The following ARHGAP40 variants were observed in gnomAD, a reference collection of about 807,000 sequenced individuals.
ARHGAP40 encodes Rho GTPase activating protein 40, also known as rho GTPase-activating protein 40.
Under a neutral mutation model 73.5 loss-of-function variants are expected in ARHGAP40, and 43 were observed. That is an observed-to-expected ratio of 0.58 (90% CI 0.46 to 0.75). The LOEUF is 0.75. Ranked by LOEUF, ARHGAP40 falls within the 30% of genes least tolerant of loss-of-function variation. The probability of loss-of-function intolerance (pLI) is 0.00; values close to 1 mark genes in which losing one functional copy is unlikely to be tolerated. For missense variants in ARHGAP40, 734 were observed against 861.8 expected (o/e 0.85, Z 1.86); for synonymous variants, 300 against 352.8 (o/e 0.85, Z 1.68).
chr20:38,640,107 C>CTTCT (rs2089006198), intron 9 of ARHGAP40, among the ~76,000 whole-genome samples: 5 of 124,476 alleles, frequency 4.0e-5, no homozygotes, highest in Non-Finnish European at 6.9e-5. Flanking sequence ...CTTCTTCCTC[C>CTTCT]TCTTCTTCCT....
intron 8 of ARHGAP40, 100 bp from the exon 9 acceptor site, chr20:38,639,127 C>G (rs1049854281): frequency 2.5e-6 from 3 of 1,198,996 alleles, no homozygotes; most frequent in African/African-American, 1.6e-5. Context: ...TCTTGTTGTC[C>G]CCACTTTGCA....
At chr20:38,611,319 C>T (rs986521171) in intron 1 of ARHGAP40, among the ~76,000 whole-genome samples, 4 of 151,610 alleles carry the variant, frequency 2.6e-5, no homozygotes, top group Admixed American at 6.6e-5. Context: ...GGTTTCCCTG[C>T]GATTCTCTTG....
At chr20:38,639,284 G>A (rs1217705131) in exon 9 of ARHGAP40, 1 of 1,305,360 alleles carries the variant, frequency 7.7e-7, no homozygotes, top group Non-Finnish European at 1.0e-6. Context: ...CTGGGACGAG[G>A]TTCATCACAA....
chr20:38,647,186 G>C, intron 13 of ARHGAP40, 60 bp downstream of exon 13: 1 of 1,249,830 alleles, frequency 8.0e-7, no homozygotes. Flanking sequence ...CTGCACCCCA[G>C]AGCTGAAGGC....
chr20:38,645,293 C>T (rs911697291), intron 11 of ARHGAP40, among the ~76,000 whole-genome samples: 1 of 152,202 alleles, frequency 6.6e-6, no homozygotes, highest in South Asian at 2.1e-4. Flanking sequence ...TTCTTCTCTG[C>T]ACTCAGCCCT....
chr20:38,609,230 A>T (rs2088791036), intron 1 of ARHGAP40, among the ~76,000 whole-genome samples: 1 of 152,056 alleles, frequency 6.6e-6, no homozygotes, highest in Admixed American at 6.6e-5. Context: ...CTCCACCCTC[A>T]GGAGTCATCC....
At chr20:38,648,732 C>A (rs760335351) in intron 14 of ARHGAP40, 34 bp downstream of exon 14, 4 of 1,302,764 alleles carry the variant, frequency 3.1e-6, no homozygotes, top group African/African-American at 1.5e-5. Context: ...GAACAGAGCC[C>A]GGGTCCCTGG....
At chr20:38,642,176 A>G (rs764258149) in intron 10 of ARHGAP40, among the ~76,000 whole-genome samples, 4 of 152,190 alleles carry the variant, frequency 2.6e-5, no homozygotes, top group African/African-American at 7.2e-5. Flanking sequence ...TCCAAGTGGG[A>G]TTAGAGTATG....
chr20:38,612,790 A>G (rs1238338895), intron 1 of ARHGAP40, among the ~76,000 whole-genome samples: 1 of 152,246 alleles, frequency 6.6e-6, no homozygotes, highest in African/African-American at 2.4e-5. Flanking sequence ...TAAATACCAT[A>G]TTTCAAGGGC....
At chr20:38,616,843 G>A (rs1355005459) in intron 1 of ARHGAP40, among the ~76,000 whole-genome samples, 10 of 152,200 alleles carry the variant, frequency 6.6e-5, no homozygotes, top group African/African-American at 2.4e-4. Flanking sequence ...AGAGGGCAGG[G>A]ATGCTGCTAA....
Position 38,623,501 on chromosome 20 carries a change from C to T in ARHGAP40, c.280C>T (p.Gln94Ter), listed in dbSNP as rs1306249680. Residue 94 changes from glutamine to a stop codon, truncating the protein, a stop_gained, in exon 2 of 15, where the codon CAG becomes TAG. Coordinates refer to ENST00000373345, the Ensembl canonical transcript of ARHGAP40. LOFTEE classifies it high-confidence loss of function. ...TTGGATGGAGGTGGAACAGATCCAA[C>T]AGAGAGATGAGCTGAGGGAAGAGGA... 1.5e-5 allele frequency: 20 copies of T among 1,290,700 alleles called. No individual in the cohort carries two copies. The highest frequency in any genetic ancestry group is 2.0e-5 in the Non-Finnish European group (20 of 988,810). 80.0% of individuals were successfully genotyped at this position (1,290,700 alleles called of 1,614,324 possible). A position where few individuals can be genotyped will look rare whatever the true frequency, so the allele number is the denominator to read the frequency against.
chr20:38,634,345 G>A (rs555102474), intron 5 of ARHGAP40, among the ~76,000 whole-genome samples: 5 of 152,248 alleles, frequency 3.3e-5, no homozygotes, highest in African/African-American at 9.6e-5. Flanking sequence ...GAGCAAGACC[G>A]TGTTTCCAAA....
At chr20:38,614,869 T>G in intron 1 of ARHGAP40, 2 of 1,154,192 alleles carry the variant, frequency 1.7e-6, no homozygotes, top group Non-Finnish European at 2.6e-6. Context: ...CATCACGTCC[T>G]GAGCGTCACA....
chr20:38,615,338 G>A (rs547522117), intron 1 of ARHGAP40: 11 of 769,824 alleles, frequency 1.4e-5, no homozygotes, highest in South Asian at 2.7e-5. Flanking sequence ...TGCCAGCCAC[G>A]GGGGTACTTC....
chr20:38,604,944 A>T (rs2088762544), intron 1 of ARHGAP40, among the ~76,000 whole-genome samples: 1 of 151,854 alleles, frequency 6.6e-6, no homozygotes, highest in South Asian at 2.1e-4. Flanking sequence ...TGCCAAAGAA[A>T]AAAAAAAAAG....
At chr20:38,634,511 C>A in intron 5 of ARHGAP40, 109 bp from the exon 6 acceptor site, 1 of 986,880 alleles carries the variant, frequency 1.0e-6, no homozygotes. Context: ...TGCTCTTATC[C>A]ACGCTGCTCT....
intron 1 of ARHGAP40, chr20:38,615,562 C>T (rs990928323): frequency 2.9e-5 from 16 of 546,488 alleles, no homozygotes; most frequent in South Asian, 7.3e-5. Context: ...CTGTTTTCCC[C>T]GAGATTGCCT....
intron 3 of ARHGAP40, among the ~76,000 whole-genome samples, chr20:38,627,622 T>C (rs1370357265): frequency 1.5e-5 from 1 of 66,620 alleles, no homozygotes; most frequent in Non-Finnish European, 3.0e-5. Flanking sequence ...TGTGTTGGTG[T>C]GTGTGTGTTG....
At chr20:38,644,028 T>C in intron 11 of ARHGAP40, 118 bp downstream of exon 11, 2 of 932,990 alleles carry the variant, frequency 2.1e-6, no homozygotes, top group East Asian at 6.3e-5. Flanking sequence ...AGGACCTTTG[T>C]TGGCCTCTGC....
Sources: gnomAD v4.1 joint callset for allele counts (sites outside exome capture counted in the v4.1 genomes callset) on GRCh38, gnomAD v4.1.1 for gene constraint, MANE v1.5 for transcripts, NCBI Gene and HGNC (gene_info 2026-07-23, HGNC 2026-07-21) for gene names.